Variants in ATP6V1C2 observed in about 807,000 individuals in gnomAD.
The protein encoded by ATP6V1C2 is V-type proton ATPase subunit C 2.
ATP6V1C2 carries 45 observed loss-of-function variants against 56.8 expected under a neutral mutation model. The ratio of observed to expected loss-of-function variants is 0.79; its 90% confidence interval spans 0.62 to 1.02. The LOEUF (loss-of-function observed/expected upper bound fraction) is 1.02. Ranked by LOEUF, ATP6V1C2 falls within the 50% of genes least tolerant of loss-of-function variation. The probability of loss-of-function intolerance (pLI) is 0.00; values close to 1 mark genes in which losing one functional copy is unlikely to be tolerated. For missense variants in ATP6V1C2, 463 were observed against 519.7 expected (o/e 0.89, Z 1.06); for synonymous variants, 220 against 201.3 (o/e 1.09, Z -0.79).
intron 4 of ATP6V1C2, among the ~76,000 whole-genome samples, chr2:10,761,197 G>A (rs558518645): frequency 6.6e-6 from 1 of 152,192 alleles, no homozygotes; most frequent in Admixed American, 6.5e-5. Flanking sequence ...ACTTGCCTGG[G>A]GTGTCAGAGG....
At chr2:10,734,192 C>G (rs1377142775) in intron 3 of ATP6V1C2, among the ~76,000 whole-genome samples, 3 of 152,046 alleles carry the variant, frequency 2.0e-5, no homozygotes, top group African/African-American at 7.3e-5. Flanking sequence ...TGCTGGGCTC[C>G]CACTTTCCAT....
chr2:10,765,298 C>T (rs2148482203), intron 5 of ATP6V1C2, among the ~76,000 whole-genome samples: 1 of 152,324 alleles, frequency 6.6e-6, no homozygotes, highest in African/African-American at 2.4e-5. Flanking sequence ...TTCTCTGTAT[C>T]ATCACTGAAG....
intron 3 of ATP6V1C2, among the ~76,000 whole-genome samples, chr2:10,742,784 C>T (rs1444981619): frequency 1.3e-5 from 2 of 152,148 alleles, no homozygotes; most frequent in Non-Finnish European, 2.9e-5. Context: ...GAGGTGCCCC[C>T]GTAGTGTTTG....
At chr2:10,727,060 C>T (rs115281216) in intron 3 of ATP6V1C2, among the ~76,000 whole-genome samples, 13,096 of 150,024 alleles carry the variant, frequency 0.087, 820 homozygotes, top group Middle Eastern at 0.2. Flanking sequence ...TTCCTCCCTC[C>T]CTCCCTCCCT....
At chr2:10,757,636 C>T (rs1321361756) in intron 4 of ATP6V1C2, among the ~76,000 whole-genome samples, 1 of 152,208 alleles carries the variant, frequency 6.6e-6, no homozygotes, top group Non-Finnish European at 1.5e-5. Context: ...CTCATCCCCT[C>T]CCCTCTTTGT....
rs191668483 is a variant in ATP6V1C2 at position 10,735,232 on chromosome 2, T to A, written c.197+8663T>A. The stretch of plus-strand genomic sequence containing the variant: ...TCACCCAGGCTGGAGTGCAGTAGCA[T>A]GATCTTGGCTGACTGCTACCTCCCC... On this transcript the variant is annotated intron_variant, in intron 3 of 13. Coordinates refer to ENST00000272238, the MANE Select transcript of ATP6V1C2 (RefSeq NM_001039362.2). Among the ~76,000 whole-genome samples the A allele has an allele frequency of 7.5e-3, 1,140 of 152,324 alleles. 18 individuals are homozygous for A. Among genetic ancestry groups the A allele is most frequent in the African/African-American group, 0.027 (1,112 of 41,572 alleles).
chr2:10,744,029 A>AATAAATAT (rs1236438434), intron 3 of ATP6V1C2, among the ~76,000 whole-genome samples: 2 of 151,574 alleles, frequency 1.3e-5, no homozygotes, highest in African/African-American at 4.8e-5. Flanking sequence ...TAAATAAATA[A>AATAAATAT]AATTTAACCA....
chr2:10,726,675 T>C (rs1199592679), intron 3 of ATP6V1C2, 106 bp downstream of exon 3: 6 of 1,079,158 alleles, frequency 5.6e-6, no homozygotes, highest in East Asian at 4.9e-5. Flanking sequence ...TGTCTAGACC[T>C]GGTTCCAAAA....
At chr2:10,740,262 G>A (rs1662477297) in intron 3 of ATP6V1C2, among the ~76,000 whole-genome samples, 1 of 152,134 alleles carries the variant, frequency 6.6e-6, no homozygotes, top group South Asian at 2.1e-4. Context: ...TACCTGGCAG[G>A]ATGATGTGTG....
intron 9 of ATP6V1C2, 40 bp downstream of exon 9, chr2:10,774,920 G>C: frequency 6.2e-7 from 1 of 1,611,652 alleles, no homozygotes; most frequent in Middle Eastern, 1.7e-4. Context: ...CCGCTGCGGG[G>C]GGTCTCTGCC....
chr2:10,743,032 A>G (rs1662651616), intron 3 of ATP6V1C2, among the ~76,000 whole-genome samples: 2 of 152,288 alleles, frequency 1.3e-5, no homozygotes, highest in South Asian at 2.1e-4. Flanking sequence ...CCAGATGACT[A>G]TCGAGGTAAG....
chr2:10,771,437 G>T (rs1186866920), intron 6 of ATP6V1C2, among the ~76,000 whole-genome samples: 2 of 152,232 alleles, frequency 1.3e-5, no homozygotes, highest in African/African-American at 4.8e-5. Context: ...GCTCAACGCA[G>T]CCCTAAGAGC....
chr2:10,773,906 A>G (rs965745734), intron 8 of ATP6V1C2, among the ~76,000 whole-genome samples: 2 of 152,176 alleles, frequency 1.3e-5, no homozygotes, highest in Admixed American at 6.5e-5. Flanking sequence ...GAACAGGACA[A>G]TCACAGCCCG....
At chr2:10,745,674 A>G (rs1435196389) in intron 3 of ATP6V1C2, among the ~76,000 whole-genome samples, 2 of 151,974 alleles carry the variant, frequency 1.3e-5, no homozygotes, top group Non-Finnish European at 2.9e-5. Context: ...AGTGGCGTTA[A>G]GTACGTTCAC....
intron 4 of ATP6V1C2, among the ~76,000 whole-genome samples, chr2:10,758,320 C>T (rs755545990): frequency 3.9e-5 from 6 of 152,166 alleles, no homozygotes; most frequent in African/African-American, 1.4e-4. Flanking sequence ...GTATCCATCC[C>T]CAGTCCCGAT....
intron 10 of ATP6V1C2, among the ~76,000 whole-genome samples, chr2:10,775,280 G>A (rs1664890821): frequency 6.6e-6 from 1 of 152,236 alleles, no homozygotes; most frequent in African/African-American, 2.4e-5. Flanking sequence ...GGTGGAGCTG[G>A]GGGCGGGAGC....
At chr2:10,735,128 T>C (rs1320473891) in intron 3 of ATP6V1C2, among the ~76,000 whole-genome samples, 5 of 152,222 alleles carry the variant, frequency 3.3e-5, no homozygotes, top group Admixed American at 2.0e-4. Flanking sequence ...TAAAATATCT[T>C]GTTAAAGTTA....
chr2:10,775,766 TG>T (rs1348967625), intron 10 of ATP6V1C2, among the ~76,000 whole-genome samples: 3 of 152,148 alleles, frequency 2.0e-5, no homozygotes, highest in African/African-American at 7.2e-5. Context: ...GCTGCGATGC[TG>T]GGCTAGGCTG....
At chr2:10,721,426 A>G (rs1382477342), upstream of ATP6V1C2, among the ~76,000 whole-genome samples, 5 of 152,028 alleles carry the variant, frequency 3.3e-5, no homozygotes, top group Non-Finnish European at 7.4e-5. Context: ...AGAAGCCCCC[A>G]GGGCCCCGGC....
Sources: gnomAD v4.1 joint callset for allele counts (sites outside exome capture counted in the v4.1 genomes callset) on GRCh38, gnomAD v4.1.1 for gene constraint, MANE v1.5 for transcripts, NCBI Gene and HGNC (gene_info 2026-07-23, HGNC 2026-07-21) for gene names.